Variants in CNIH3 observed in about 807,000 individuals in gnomAD.
The protein encoded by CNIH3 is cornichon family AMPA receptor auxiliary protein 3.
In CNIH3, 14 loss-of-function variants were observed where a neutral mutation model predicts 24.1. The ratio of observed to expected loss-of-function variants is 0.58; its 90% CI spans 0.38 to 0.91. The LOEUF is 0.91. Among genes scored for constraint, CNIH3 ranks in the 40% least tolerant of loss-of-function variants. CNIH3 has a pLI of 0.00. For missense variants in CNIH3, 178 were observed against 196.8 expected (o/e 0.90, Z 0.57); for synonymous variants, 68 against 73.8 (o/e 0.92, Z 0.40).
At chr1:224,501,024 C>T (rs1266425417) in intron 1 of CNIH3, among the ~76,000 whole-genome samples, 3 of 152,252 alleles carry the variant, frequency 2.0e-5, no homozygotes, top group African/African-American at 7.2e-5. Context: ...CAGAGCCCTG[C>T]TTATGCTTCA....
intron 1 of CNIH3, among the ~76,000 whole-genome samples, chr1:224,619,960 A>T (rs564968044): frequency 6.6e-5 from 10 of 152,334 alleles, no homozygotes; most frequent in Non-Finnish European, 1.2e-4. Flanking sequence ...AGTTTTAAGT[A>T]CTTTACAGAG....
At chr1:224,714,491 C>T (rs1688322120) in intron 3 of CNIH3, among the ~76,000 whole-genome samples, 2 of 152,308 alleles carry the variant, frequency 1.3e-5, no homozygotes, top group Non-Finnish European at 2.9e-5. Flanking sequence ...CATGGAGCCT[C>T]GCTTGTCATG....
At chr1:224,635,906 G>A (rs1483188723) in intron 1 of CNIH3, among the ~76,000 whole-genome samples, 1 of 152,002 alleles carries the variant, frequency 6.6e-6, no homozygotes, top group Admixed American at 6.6e-5. Flanking sequence ...AAATGGGGGG[G>A]TCTCACTCCG....
intron 1 of CNIH3, among the ~76,000 whole-genome samples, chr1:224,617,940 C>G (rs531383999): frequency 1.3e-5 from 2 of 152,246 alleles, no homozygotes; most frequent in East Asian, 3.9e-4. Flanking sequence ...GTCTGAAGTC[C>G]GACTCCTGAA....
chr1:224,711,820 A>G (rs1688169945), intron 3 of CNIH3, among the ~76,000 whole-genome samples: 1 of 148,086 alleles, frequency 6.8e-6, no homozygotes, highest in Non-Finnish European at 1.5e-5. Flanking sequence ...AAAAAAAAAG[A>G]ACCAGGAAGT....
chr1:224,523,259 G>A (rs567637746), intron 2 of CNIH3, among the ~76,000 whole-genome samples: 1 of 151,818 alleles, frequency 6.6e-6, no homozygotes, highest in Non-Finnish European at 1.5e-5. Context: ...AAAGTTCTTA[G>A]CAACATTGTT....
At chr1:224,560,586 G>T (rs950676208) in intron 3 of CNIH3, among the ~76,000 whole-genome samples, 1 of 151,998 alleles carries the variant, frequency 6.6e-6, no homozygotes. Context: ...TCATAGGAGC[G>T]TGAACCCTAT....
chr1:224,634,035 G>A (rs1032760280), intron 1 of CNIH3, among the ~76,000 whole-genome samples: 4 of 152,212 alleles, frequency 2.6e-5, no homozygotes, highest in African/African-American at 9.6e-5. Context: ...GTCTGGTGGG[G>A]AGGATGGATT....
chr1:224,620,986 G>A (rs1425183048), intron 1 of CNIH3, among the ~76,000 whole-genome samples: 1 of 152,224 alleles, frequency 6.6e-6, no homozygotes, highest in African/African-American at 2.4e-5. Context: ...AAGCCTGTTT[G>A]CAGTGTGTCT....
chr1:224,730,494 C>T lies in CNIH3; in HGVS notation c.231C>T (p.Leu77=). The T allele has an allele frequency of 6.4e-7, 1 of 1,561,184 alleles. No individual in the cohort carries two copies. Among genetic ancestry groups the T allele is most frequent in the Non-Finnish European group, 8.7e-7 (1 of 1,151,104 alleles). The part of the protein sequence containing the change: ...LVLPEYSIHS[L]FCIMFLCAQE... ...TGCCAGAATACTCCATCCATAGCCT[C>T]TTCTGCATTATGTTCCTGTGTGCGC... The change falls in exon 4 of 6, where the codon CTC becomes CTT. Residue 77 remains leucine (L), a synonymous_variant. Transcript: ENST00000272133.
chr1:224,459,812 A>G (rs773410357), intron 1 of CNIH3, among the ~76,000 whole-genome samples: 42 of 151,744 alleles, frequency 2.8e-4, no homozygotes, highest in Non-Finnish European at 5.7e-4. Flanking sequence ...AAGGCCAGGA[A>G]TGAGGCTCTT....
chr1:224,588,791 A>G (rs757949365), downstream of CNIH3, among the ~76,000 whole-genome samples: 1 of 151,488 alleles, frequency 6.6e-6, no homozygotes, highest in Non-Finnish European at 1.5e-5. Context: ...TCTTAGCTCC[A>G]CTTGATGGAG....
chr1:224,657,850 TAAGAC>T (rs1276228652), intron 1 of CNIH3, among the ~76,000 whole-genome samples: 3 of 152,198 alleles, frequency 2.0e-5, no homozygotes, highest in Non-Finnish European at 4.4e-5. Context: ...ACAAAAGTCT[TAAGAC>T]AATCAGGGTT....
At chr1:224,654,739 C>T (rs1477860811) in intron 1 of CNIH3, among the ~76,000 whole-genome samples, 3 of 152,204 alleles carry the variant, frequency 2.0e-5, no homozygotes, top group Non-Finnish European at 4.4e-5. Flanking sequence ...AGATAGTCTA[C>T]AGGAGCATTA....
intron 1 of CNIH3, among the ~76,000 whole-genome samples, chr1:224,621,741 A>T (rs1217383777): frequency 6.6e-6 from 1 of 152,144 alleles, no homozygotes; most frequent in Non-Finnish European, 1.5e-5. Context: ...TGGTATAAAT[A>T]CTCATAGGAC....
intron 1 of CNIH3, among the ~76,000 whole-genome samples, chr1:224,624,643 G>A (rs933902502): frequency 3.3e-5 from 5 of 152,132 alleles, no homozygotes; most frequent in Admixed American, 1.3e-4. Context: ...TCCCTTCCAA[G>A]CTGGCCTCCT....
downstream of CNIH3, among the ~76,000 whole-genome samples, chr1:224,537,928 G>T (rs1482700929): frequency 2.6e-5 from 4 of 151,922 alleles, no homozygotes; most frequent in South Asian, 8.3e-4. Context: ...AAGTGGAGTA[G>T]AGTGGAAATC....
intron 1 of CNIH3, among the ~76,000 whole-genome samples, chr1:224,641,100 C>T (rs1046522866): frequency 2.0e-5 from 3 of 152,178 alleles, no homozygotes; most frequent in Non-Finnish European, 2.9e-5. Flanking sequence ...GATGTGAAGA[C>T]GCTGTGATTG....
intron 1 of CNIH3, among the ~76,000 whole-genome samples, chr1:224,634,442 G>T (rs1367410924): frequency 6.6e-6 from 1 of 152,014 alleles, no homozygotes; most frequent in South Asian, 2.1e-4. Context: ...GGTGGCACGC[G>T]CCTGTAGTCC....
Sources: allele counts gnomAD v4.1 joint callset (sites outside exome capture counted in the v4.1 genomes callset), GRCh38; gene constraint gnomAD v4.1.1; transcripts MANE v1.5; gene names NCBI Gene and HGNC (gene_info 2026-07-23, HGNC 2026-07-21).